The following LEPR variants were observed in gnomAD, a reference collection of about 807,000 sequenced individuals.
The protein encoded by LEPR is OB receptor.
A neutral mutation model predicts 114.7 loss-of-function variants in LEPR; 56 were observed. That is an observed-to-expected ratio of 0.49 (90% CI 0.39 to 0.61). The LOEUF is 0.61. LEPR is among the 20% of genes least tolerant of loss of function. The pLI, the probability that LEPR is intolerant of heterozygous loss-of-function variation, is 0.00. For missense variants in LEPR, 1,202 were observed against 1,352.9 expected (o/e 0.89, Z 1.75); for synonymous variants, 443 against 461.4 (o/e 0.96, Z 0.51).
chr1:65,592,065 G>A (rs970853697), intron 5 of LEPR, among the ~76,000 whole-genome samples: 4 of 151,872 alleles, frequency 2.6e-5, no homozygotes, highest in African/African-American at 7.2e-5. Context: ...ATACCACTTC[G>A]TGTAAGAACA....
intron 2 of LEPR, among the ~76,000 whole-genome samples, chr1:65,459,458 C>T (rs1334453102): frequency 6.6e-6 from 1 of 152,184 alleles, no homozygotes; most frequent in African/African-American, 2.4e-5. Context: ...ACTGGGGAGG[C>T]ATCTTCTACC....
chr1:65,484,623 G>A (rs79269468), intron 2 of LEPR, among the ~76,000 whole-genome samples: 1 of 152,258 alleles, frequency 6.6e-6, no homozygotes, highest in East Asian at 1.9e-4. Context: ...GAGGACTCTG[G>A]GTGAGGCATA....
intron 2 of LEPR, chr1:65,435,366 CTTTTTTTTTTTTT>C (rs60757318): frequency 8.0e-6 from 5 of 628,802 alleles, no homozygotes; most frequent in Admixed American, 8.3e-5. Context: ...CTTTTCTTTT[CTTTTTTTTTTTTT>C]TTTTTTGAGG....
chr1:65,520,863 G>C (rs759368576), intron 2 of LEPR, among the ~76,000 whole-genome samples: 1 of 152,244 alleles, frequency 6.6e-6, no homozygotes, highest in Non-Finnish European at 1.5e-5. Context: ...ATGTCCTTAA[G>C]GCACAGATCG....
chr1:65,596,383 T>A (rs1656064168), intron 6 of LEPR, 65 bp from the exon 7 acceptor site: 3 of 1,586,900 alleles, frequency 1.9e-6, no homozygotes, highest in Non-Finnish European at 2.6e-6. Context: ...TTGACTTTAT[T>A]TTATTCAGCT....
chr1:65,572,690 C>T (rs550416584), intron 5 of LEPR, among the ~76,000 whole-genome samples: 4 of 152,112 alleles, frequency 2.6e-5, no homozygotes, highest in Non-Finnish European at 5.9e-5. Flanking sequence ...ATGTTCAGTT[C>T]AAGTTCAGGT....
chr1:65,615,961 A>C (rs190305075), intron 14 of LEPR, 47 bp from the exon 15 acceptor site: 22 of 1,611,540 alleles, frequency 1.4e-5, no homozygotes, highest in Middle Eastern at 1.7e-4. Context: ...AGTTAGTATA[A>C]AAAGCACTGC....
At chr1:65,485,064 T>C (rs1370199090) in intron 2 of LEPR, among the ~76,000 whole-genome samples, 3 of 152,138 alleles carry the variant, frequency 2.0e-5, no homozygotes, top group East Asian at 3.9e-4. Flanking sequence ...CTTGAAGTAG[T>C]TGGAAACTAC....
intron 4 of LEPR, among the ~76,000 whole-genome samples, chr1:65,571,660 A>G (rs2100808991): frequency 6.6e-6 from 1 of 151,336 alleles, no homozygotes; most frequent in Non-Finnish European, 1.5e-5. Context: ...ATGTTAAAAA[A>G]AAAAAAAAAA....
At chr1:65,586,049 T>C (rs533114844) in intron 5 of LEPR, among the ~76,000 whole-genome samples, 1 of 152,070 alleles carries the variant, frequency 6.6e-6, no homozygotes, top group Non-Finnish European at 1.5e-5. Context: ...AGGTTATAAT[T>C]ATTTTTTAGT....
At chr1:65,514,446 GCT>G (rs1649185663) in intron 2 of LEPR, among the ~76,000 whole-genome samples, 2 of 152,182 alleles carry the variant, frequency 1.3e-5, no homozygotes, top group African/African-American at 4.8e-5. Context: ...TTTTCAAATA[GCT>G]GTTTTCCTCC....
intron 5 of LEPR, among the ~76,000 whole-genome samples, chr1:65,580,429 G>A (rs960717972): frequency 6.6e-6 from 1 of 152,086 alleles, no homozygotes; most frequent in Non-Finnish European, 1.5e-5. Context: ...ATTTTAAAAG[G>A]GATAAAATCT....
intron 2 of LEPR, among the ~76,000 whole-genome samples, chr1:65,551,723 T>C (rs1331024863): frequency 6.6e-6 from 1 of 152,190 alleles, no homozygotes; most frequent in Non-Finnish European, 1.5e-5. Flanking sequence ...TGCCCTGATC[T>C]TAGTTATTTC....
Position 65,570,583 on chromosome 1 carries a change from G to C in LEPR, c.151G>C (p.Ala51Pro), listed in dbSNP as rs201975519. ...NSTYDYFLLP[A>P]GLSKNTSNSN... Reference sequence around the variant, plus strand: ...AACCTATGACTACTTCCTTTTGCCTGCTGGACTCTCAAAGAATACTTCAAA... The same window carrying C: ...AACCTATGACTACTTCCTTTTGCCTCCTGGACTCTCAAAGAATACTTCAAA... The change falls in exon 4 of 20, where the codon GCT becomes CCT. Residue 51 changes from alanine (A) to proline (P), a missense_variant. By Grantham distance (27) the Ala-to-Pro change is conservative. Coordinates refer to ENST00000349533, the MANE Select transcript of LEPR (RefSeq NM_002303.6). 2 of 1,613,938 alleles carry C rather than the reference G, an allele frequency of 1.2e-6. No individual in the cohort carries two copies. The highest frequency in any genetic ancestry group is 4.5e-5 in the East Asian group (2 of 44,824).
intron 5 of LEPR, among the ~76,000 whole-genome samples, chr1:65,587,509 C>T (rs12042884): frequency 1.3e-5 from 2 of 151,854 alleles, no homozygotes; most frequent in South Asian, 2.1e-4. Context: ...TATTCACACC[C>T]TTGTAAACAT....
chr1:65,467,051 CT>C (rs1463712097), intron 2 of LEPR, among the ~76,000 whole-genome samples: 19 of 152,288 alleles, frequency 1.2e-4, no homozygotes, highest in Admixed American at 4.6e-4. Context: ...CAAACTCATT[CT>C]CGTCCAGTTC....
At chr1:65,539,689 C>T (rs1222396577) in intron 2 of LEPR, among the ~76,000 whole-genome samples, 3 of 152,184 alleles carry the variant, frequency 2.0e-5, no homozygotes, top group Non-Finnish European at 2.9e-5. Context: ...TAATAAGCCC[C>T]TGTTTTCCCA....
chr1:65,459,480 C>G (rs1032944305), intron 2 of LEPR, among the ~76,000 whole-genome samples: 5 of 152,150 alleles, frequency 3.3e-5, no homozygotes, highest in African/African-American at 9.7e-5. Context: ...ATCTCACATG[C>G]CACTGGCAGC....
rs113353179 is a variant in LEPR, at chr1:65,605,056, T to G, written c.1422T>G (p.Ser474=). The G allele has an allele frequency of 1.2e-6, 2 of 1,613,532 alleles. No individual in the cohort carries two copies. The highest frequency in any genetic ancestry group is 3.3e-5 in the Admixed American group (2 of 60,032). ...LRYHRSSLYC[S]DIPSIHPISE... The stretch of plus-strand genomic sequence containing the variant: ...TTTAAAGGAGCAGCCTTTACTGTTC[T>G]GATATTCCATCTATTCATCCCATAT... Residue 474 remains serine (S), a synonymous_variant, in exon 11 of 20, where the codon TCT becomes TCG. Transcript: ENST00000349533.
Sources: allele counts gnomAD v4.1 joint callset (sites outside exome capture counted in the v4.1 genomes callset), GRCh38; gene constraint gnomAD v4.1.1; transcripts MANE v1.5; gene names NCBI Gene and HGNC (gene_info 2026-07-23, HGNC 2026-07-21).